GSDMC: variants seen among roughly 807,000 people sequenced by gnomAD.
GSDMC encodes gasdermin C.
Under a neutral mutation model 58.0 loss-of-function variants are expected in GSDMC, and 59 were observed. The observed-to-expected ratio is 1.02, with a 90% CI of 0.82 to 1.26. The LOEUF is 1.26. Ranked by LOEUF, GSDMC falls within the 50% of genes most tolerant of loss-of-function variation. The pLI is 0.00. For synonymous variants in GSDMC, 241 were observed against 220.2 expected (o/e 1.09, Z -0.83); for missense variants, 659 against 598.5 (o/e 1.10, Z -1.06).
Position 129,755,331 on chromosome 8 carries a change from G to GA in GSDMC, c.722-2512dup, listed in dbSNP as rs894966150. On this transcript the variant is annotated intron_variant, in intron 6 of 13. Coordinates refer to ENST00000276708, the MANE Select transcript of GSDMC (RefSeq NM_031415.3). The stretch of plus-strand genomic sequence containing the variant: ...GGCATGACATATTTAAATTGCTGAA[G>GA]AAAAAAAAACCTTTTATCCTAGAAG... Among the ~76,000 whole-genome samples the GA allele has an allele frequency of 3.6e-4, 54 of 150,586 alleles. 1 individual carries two copies. Among genetic ancestry groups the GA allele is most frequent in the Admixed American group, 3.0e-3 (45 of 15,130 alleles).
At chr8:129,746,422 T>C (rs977091187), downstream of GSDMC, among the ~76,000 whole-genome samples, 4 of 151,770 alleles carry the variant, frequency 2.6e-5, no homozygotes, top group Non-Finnish European at 4.4e-5. Context: ...CGAAAAAAAA[T>C]CAAAGATGCA....
the GSDMC span, among the ~76,000 whole-genome samples, chr8:129,727,406 A>G: frequency 1.3e-5 from 2 of 152,186 alleles, no homozygotes; most frequent in Non-Finnish European, 2.9e-5. Context: ...CAGGGAGGAG[A>G]ACGCCGGCAA....
At chr8:129,740,426 A>G in the GSDMC span, among the ~76,000 whole-genome samples, 1 of 152,188 alleles carries the variant, frequency 6.6e-6, no homozygotes. Context: ...GGCTTTATAC[A>G]GGTGTACCAT....
the GSDMC span, among the ~76,000 whole-genome samples, chr8:129,721,600 A>G: frequency 8.1e-6 from 1 of 122,974 alleles, no homozygotes; most frequent in African/African-American, 4.5e-5. Context: ...CCTCTCATAA[A>G]GATAATAATT....
At chr8:129,778,408 C>T (rs929489798) in intron 1 of GSDMC, among the ~76,000 whole-genome samples, 1 of 152,008 alleles carries the variant, frequency 6.6e-6, no homozygotes, top group African/African-American at 2.4e-5. Context: ...TAGCCATAAG[C>T]AGAAGAGTGA....
the GSDMC span, among the ~76,000 whole-genome samples, chr8:129,740,551 T>C: frequency 2.4e-4 from 37 of 152,342 alleles, no homozygotes; most frequent in Non-Finnish European, 4.7e-4. Context: ...ATTAACATGC[T>C]GTACAGGTTT....
intron 6 of GSDMC, among the ~76,000 whole-genome samples, chr8:129,755,902 A>T (rs374061368): frequency 5.3e-5 from 8 of 151,872 alleles, no homozygotes; most frequent in East Asian, 3.9e-4. Context: ...AAAAAAAAAC[A>T]CCATCAGAGA....
intron 6 of GSDMC, among the ~76,000 whole-genome samples, chr8:129,754,345 C>T (rs2033346757): frequency 6.6e-6 from 1 of 152,152 alleles, no homozygotes; most frequent in Non-Finnish European, 1.5e-5. Context: ...GGGGAAAAAA[C>T]AAGAGTCTCT....
At chr8:129,733,961 C>T in the GSDMC span, among the ~76,000 whole-genome samples, 1 of 152,110 alleles carries the variant, frequency 6.6e-6, no homozygotes, top group Non-Finnish European at 1.5e-5. Context: ...CTAGAATAAA[C>T]AGTGTAGAGA....
At chr8:129,709,811 T>C in the GSDMC span, among the ~76,000 whole-genome samples, 1 of 152,190 alleles carries the variant, frequency 6.6e-6, no homozygotes, top group African/African-American at 2.4e-5. Context: ...AATGTCAATC[T>C]CTTTCCTACA....
intron 3 of GSDMC, among the ~76,000 whole-genome samples, chr8:129,770,869 G>A (rs1485647321): frequency 1.3e-5 from 2 of 151,910 alleles, no homozygotes; most frequent in East Asian, 1.9e-4. Flanking sequence ...AAGATCCAAT[G>A]ACCTGCTGCC....
chr8:129,714,465 A>G, the GSDMC span, among the ~76,000 whole-genome samples: 26 of 152,220 alleles, frequency 1.7e-4, no homozygotes, highest in African/African-American at 5.8e-4. Flanking sequence ...AGCTTCTTTC[A>G]TGACCAGTGC....
At chr8:129,747,263 A>G (rs2032982975), downstream of GSDMC, among the ~76,000 whole-genome samples, 1 of 152,048 alleles carries the variant, frequency 6.6e-6, no homozygotes, top group Non-Finnish European at 1.5e-5. Flanking sequence ...TCTCAAAAAA[A>G]AAAAAAAATT....
chr8:129,752,108 GGCAAATGCCC>G lies in GSDMC; in HGVS notation c.874_883del (p.Gly292GlnfsTer11). On this transcript the variant is annotated frameshift_variant, in exon 8 of 14. Coordinates refer to ENST00000276708, the MANE Select transcript of GSDMC (RefSeq NM_031415.3). LOFTEE classifies it high-confidence loss of function. ...GGGGAGGGCCAGATTCCACTCACTT[GGCAAATGCCC>G]GCTCAAAAATTGCTGTGTCAGAAAT... 1 of 1,612,566 alleles carries G rather than the reference GGCAAATGCCC, an allele frequency of 6.2e-7. No individual in the cohort carries two copies. The highest frequency in any genetic ancestry group is 8.5e-7 in the Non-Finnish European group (1 of 1,178,610).
the GSDMC span, among the ~76,000 whole-genome samples, chr8:129,714,951 T>A: frequency 6.6e-6 from 1 of 152,212 alleles, no homozygotes; most frequent in East Asian, 1.9e-4. Context: ...AGGTCTCCAA[T>A]GTAATAGACA....
At chr8:129,708,995 G>A in the GSDMC span, among the ~76,000 whole-genome samples, 5 of 152,200 alleles carry the variant, frequency 3.3e-5, no homozygotes, top group Admixed American at 2.0e-4. Context: ...GAGGTTAAAC[G>A]AGGTAACACA....
chr8:129,718,276 C>A, the GSDMC span, among the ~76,000 whole-genome samples: 1 of 152,136 alleles, frequency 6.6e-6, no homozygotes, highest in East Asian at 1.9e-4. Flanking sequence ...ATCTATCCAT[C>A]TGACAAAGGG....
At chr8:129,750,204 A>C in intron 11 of GSDMC, 85 bp from the exon 12 acceptor site, 1 of 1,189,454 alleles carries the variant, frequency 8.4e-7, no homozygotes, top group South Asian at 1.7e-5. Flanking sequence ...GTGATAACCA[A>C]GGGGTAGGCA....
intron 11 of GSDMC, 113 bp downstream of exon 11, chr8:129,750,318 A>G (rs2033132704): frequency 8.3e-7 from 1 of 1,208,202 alleles, no homozygotes. Context: ...AGTCTTTCTC[A>G]TTCCCCTGGC....
Sources: allele counts gnomAD v4.1 joint callset (sites outside exome capture counted in the v4.1 genomes callset), GRCh38; gene constraint gnomAD v4.1.1; transcripts MANE v1.5; gene names NCBI Gene and HGNC (gene_info 2026-07-23, HGNC 2026-07-21).